HRG: variants seen among roughly 807,000 people sequenced by gnomAD.
The protein encoded by HRG is histidine-rich glycoprotein.
Under a neutral mutation model 29.5 loss-of-function variants are expected in HRG, and 26 were observed. That is an observed-to-expected ratio of 0.88 (90% CI 0.65 to 1.22). HRG has a LOEUF of 1.22. Ranked by LOEUF, HRG falls within the 50% of genes most tolerant of loss-of-function variation. The probability of loss-of-function intolerance (pLI) is 0.00; values close to 1 mark genes in which losing one functional copy is unlikely to be tolerated. For missense variants in HRG, 671 were observed against 654.5 expected (o/e 1.03, Z -0.28); for synonymous variants, 243 against 240.4 (o/e 1.01, Z -0.10).
At chr3:186,669,278 G>A (rs1027384500) in intron 2 of HRG, among the ~76,000 whole-genome samples, 1 of 152,184 alleles carries the variant, frequency 6.6e-6, no homozygotes, top group Non-Finnish European at 1.5e-5. Flanking sequence ...AGCATAACCA[G>A]CTGTGGGTCC....
chr3:186,669,744 T>C, intron 2 of HRG, 194 bp from the exon 3 acceptor site: 1 of 622,898 alleles, frequency 1.6e-6, no homozygotes, highest in Non-Finnish European at 2.9e-6. Flanking sequence ...CCTGAGGATT[T>C]TGAGTGCCAA....
chr3:186,669,824 A>G (rs1320293590), intron 2 of HRG, 114 bp from the exon 3 acceptor site: 1 of 752,760 alleles, frequency 1.3e-6, no homozygotes, highest in Non-Finnish European at 2.5e-6. Flanking sequence ...AAAGAAATGC[A>G]TTTTTAAATG....
In HRG at chr3:186,666,105, G is replaced by C. The variant is rs532917206; in HGVS notation, c.74G>C (p.Ser25Thr). The C allele has an allele frequency of 1.1e-5, 17 of 1,614,198 alleles. No individual in the cohort carries two copies. In the South Asian group the frequency reaches 1.9e-4, roughly 18 times the overall value. The change falls in exon 1 of 7, where the codon AGT becomes ACT. Residue 25 changes from serine to threonine, a missense_variant. Coordinates refer to ENST00000232003, the MANE Select transcript of HRG (RefSeq NM_000412.5). The stretch of plus-strand genomic sequence containing the variant: ...TGTGCCGTGAGTCCCACTGACTGCA[G>C]TGCTGTTGAGCCGGAGGCTGAGAAA... ...YSCAVSPTDC[S>T]AVEPEAEKAL...
rs1215892528 is a variant in HRG at position 186,678,233 on chromosome 3, T to C, written c.*350T>C. On this transcript the variant is annotated 3_prime_UTR_variant, in exon 7 of 7. Coordinates refer to ENST00000232003, the MANE Select transcript of HRG (RefSeq NM_000412.5). Reference sequence around the variant, plus strand: ...TACTAATAAAGTATGGTATTGAAACTATTGTTATCATTTATTTCATTTTAT... The same window carrying C: ...TACTAATAAAGTATGGTATTGAAACCATTGTTATCATTTATTTCATTTTAT... 1 of 286,668 alleles carries C rather than the reference T, an allele frequency of 3.5e-6. No homozygotes were observed. The highest frequency in any genetic ancestry group is 3.9e-5 in the South Asian group (1 of 25,640). The allele number at this position is 286,668 out of a possible 1,614,324, so 17.8% of individuals were successfully genotyped here.
At chr3:186,668,821 A>G in intron 1 of HRG, 114 bp from the exon 2 acceptor site, 1 of 699,790 alleles carries the variant, frequency 1.4e-6, no homozygotes, top group Non-Finnish European at 2.6e-6. Context: ...ATCTGCAAAG[A>G]CAGTGAGAGG....
At chr3:186,674,500 C>T (rs1259182099) in intron 5 of HRG, 1 of 167,698 alleles carries the variant, frequency 6.0e-6, no homozygotes, top group Non-Finnish European at 1.3e-5. Context: ...TTAGCAATTT[C>T]TTCTAGCAGA....
chr3:186,676,799 C>T (rs529128238), intron 6 of HRG, among the ~76,000 whole-genome samples: 4 of 151,258 alleles, frequency 2.6e-5, no homozygotes, highest in South Asian at 4.2e-4. Context: ...GGTGACAGAG[C>T]GAGACTCAGT....
Position 186,676,767 on chromosome 3 carries a change from C to T in HRG, c.742-280C>T, listed in dbSNP as rs115361509. The stretch of plus-strand genomic sequence containing the variant: ...GGTGGATGTTGCAATGAGCAGAGAT[C>T]GCACCACTGCACTCCAGACTGGGTG... On this transcript the variant is annotated intron_variant, in intron 6 of 6. Coordinates refer to ENST00000232003, the MANE Select transcript of HRG (RefSeq NM_000412.5). 5.8e-3 allele frequency among the ~76,000 whole-genome samples: 882 copies of T among 151,854 alleles called. 5 individuals carry two copies. Among genetic ancestry groups the T allele is most frequent in the Middle Eastern group, 0.014 (4 of 294 alleles).
intron 5 of HRG, chr3:186,673,729 T>G (rs551977524): frequency 2.0e-5 from 3 of 152,332 alleles, no homozygotes; most frequent in African/African-American, 7.2e-5. Flanking sequence ...GTCTTGCCGA[T>G]GTTCACAACC....
At chr3:186,668,671 C>G (rs1718686519) in intron 1 of HRG, 5 of 448,762 alleles carry the variant, frequency 1.1e-5, no homozygotes, top group Non-Finnish European at 1.6e-5. Context: ...GATGCCTCCG[C>G]TAAACCACCA....
At chr3:186,671,847 A>G (rs570787037) in intron 4 of HRG, 58 bp downstream of exon 4, 220 of 1,476,106 alleles carry the variant, frequency 1.5e-4, no homozygotes, top group Admixed American at 3.0e-4. Context: ...ACCTGGCAGC[A>G]GGAACTGAAT....
Position 186,671,284 on chromosome 3 carries a change from ATATATAATAGATAT to A in HRG, c.392-325_392-312del, listed in dbSNP as rs1277058260. Among the ~76,000 whole-genome samples the A allele has an allele frequency of 3.4e-5, 5 of 147,878 alleles. No individual in the cohort carries two copies. In the East Asian group the frequency reaches 7.8e-4, roughly 23 times the overall value. On this transcript the variant is annotated intron_variant, in intron 3 of 6. Coordinates refer to ENST00000232003, the MANE Select transcript of HRG (RefSeq NM_000412.5). ...ATATGATATATTATATAATATATAA[ATATATAATAGATAT>A]TATATAATAGATAATATATATTTAT...
Position 186,668,902 on chromosome 3 carries a change from T to A in HRG, c.184-33T>A, listed in dbSNP as rs1350063458. On this transcript the variant is annotated intron_variant, in intron 1 of 6. Coordinates refer to ENST00000232003, the MANE Select transcript of HRG (RefSeq NM_000412.5). ...AAAAAAAACCCGCTAGGTTTCCATG[T>A]GCTACTCACATGTTGCTTTTGGCAT... The A allele has an allele frequency of 2.6e-6, 3 of 1,151,838 alleles. No homozygotes were observed. In the Admixed American group the frequency reaches 5.0e-5, roughly 19 times the overall value. The allele number at this position is 1,151,838 out of a possible 1,614,324, so 71.4% of individuals were successfully genotyped here. A position where few individuals can be genotyped will look rare whatever the true frequency, so the allele number is the denominator to read the frequency against.
In HRG at chr3:186,671,692, A is replaced by G. The variant is rs1248453622; in HGVS notation, c.461A>G (p.Tyr154Cys). ...LIDFFEDTERYRKQANKALEK... is the reference protein window; with the variant it reads ...LIDFFEDTERCRKQANKALEK... ...GATTTCTTTGAGGATACTGAGCGCT[A>G]CAGAAAACAAGCCAACAAAGCCCTT... Residue 154 changes from tyrosine (Y) to cysteine (C), a missense_variant, in exon 4 of 7, where the codon TAC becomes TGC. Tyr to Cys is a radical substitution (Grantham distance 194). Transcript: ENST00000232003. 2 of 1,614,048 alleles carry G rather than the reference A, an allele frequency of 1.2e-6. No homozygotes were observed. Among genetic ancestry groups the G allele is most frequent in the South Asian group, 1.1e-5 (1 of 91,078 alleles).
intron 2 of HRG, 105 bp downstream of exon 2, chr3:186,669,156 G>A (rs1718706736): frequency 2.5e-6 from 2 of 791,572 alleles, no homozygotes; most frequent in East Asian, 4.9e-5. Context: ...AGAAAGGGCA[G>A]CTTTTGCCTT....
chr3:186,672,833 A>C lies in HRG; in HGVS notation c.605A>C (p.Asn202Thr), dbSNP rs773936681. 83 of 1,612,652 alleles carry C rather than the reference A, an allele frequency of 5.1e-5. No individual in the cohort carries two copies. The highest frequency in any genetic ancestry group is 3.3e-4 in the Middle Eastern group (2 of 6,082). The change falls in exon 5 of 7, where the codon AAC becomes ACC. Residue 202 changes from asparagine (N) to threonine (T), a missense_variant. Asn to Thr is a moderately conservative substitution (Grantham distance 65). Coordinates refer to ENST00000232003, the MANE Select transcript of HRG (RefSeq NM_000412.5). ...TGYFVDFSVR[N>T]CPRHHFPRHP... ...TACTTCGTGGACTTCTCTGTGCGGA[A>C]CTGCCCCAGACACCATTTCCCCAGA...
At position 186,666,123 on chromosome 3, in the gene HRG, C is replaced by G. The variant is rs1385641896; in HGVS notation, c.92C>G (p.Ala31Gly). ...GACTGCAGTGCTGTTGAGCCGGAGG[C>G]TGAGAAAGCTCTAGACCTGATCAAT... Reference protein sequence around the residue: ...PTDCSAVEPEAEKALDLINKR... With the variant: ...PTDCSAVEPEGEKALDLINKR... The change falls in exon 1 of 7, where the codon GCT (alanine) becomes GGT (glycine). Residue 31 changes from alanine (A) to glycine (G), a missense_variant. Transcript: ENST00000232003. The G allele has an allele frequency of 5.6e-6, 9 of 1,614,084 alleles. No individual in the cohort carries two copies. The highest frequency in any genetic ancestry group is 7.6e-6 in the Non-Finnish European group (9 of 1,180,040).
intron 5 of HRG, chr3:186,673,318 G>A: frequency 3.9e-6 from 1 of 254,906 alleles, no homozygotes. Context: ...TGATCAGGTT[G>A]GTCTCAAACT....
At chr3:186,669,306 T>A (rs1449072949) in intron 2 of HRG, among the ~76,000 whole-genome samples, 1 of 152,212 alleles carries the variant, frequency 6.6e-6, no homozygotes, top group Non-Finnish European at 1.5e-5. Context: ...AATCATCTAA[T>A]AACATCCCTC....
Sources: gnomAD v4.1 joint callset for allele counts (sites outside exome capture counted in the v4.1 genomes callset) on GRCh38, gnomAD v4.1.1 for gene constraint, MANE v1.5 for transcripts, NCBI Gene and HGNC (gene_info 2026-07-23, HGNC 2026-07-21) for gene names.